Variants in LYPLAL1 observed in about 807,000 individuals in gnomAD.
The protein encoded by LYPLAL1 is lysophospholipase like 1.
LYPLAL1 carries 23 observed loss-of-function variants against 19.7 expected under a neutral mutation model. That is an observed-to-expected ratio of 1.17 (90% CI 0.84 to 1.65). LYPLAL1 has a LOEUF of 1.65. Ranked by LOEUF, LYPLAL1 falls within the 40% of genes most tolerant of loss-of-function variation. The pLI, the probability that LYPLAL1 is intolerant of heterozygous loss-of-function variation, is 0.00. For missense variants in LYPLAL1, 355 were observed against 279.4 expected (o/e 1.27, Z -1.93); for synonymous variants, 119 against 96.3 (o/e 1.24, Z -1.38).
At chr1:219,197,542 C>A (rs569494093) in intron 3 of LYPLAL1, among the ~76,000 whole-genome samples, 2 of 152,250 alleles carry the variant, frequency 1.3e-5, no homozygotes, top group South Asian at 2.1e-4. Flanking sequence ...TAAATCTAGG[C>A]AATACCATTC....
In LYPLAL1 at chr1:219,212,824, G is replaced by A. The variant is rs1407035832; in HGVS notation, c.*1096G>A. On this transcript the variant is annotated 3_prime_UTR_variant, in exon 5 of 5. Coordinates refer to ENST00000366928, the MANE Select transcript of LYPLAL1 (RefSeq NM_138794.5). The stretch of plus-strand genomic sequence containing the variant: ...CTGATATATAAGTTGCTTCCAGTGT[G>A]AGGCTGTTTTAAATAAAGCTGCTAT... 2 of 152,058 alleles carry A rather than the reference G, an allele frequency of 1.3e-5. No individual in the cohort carries two copies. The highest frequency in any genetic ancestry group is 4.8e-5 in the African/African-American group (2 of 41,446). The allele number at this position is 152,058 out of a possible 1,614,324, so 9.4% of individuals were successfully genotyped here. A position where few individuals can be genotyped will look rare whatever the true frequency, so the allele number is the denominator to read the frequency against.
intron 1 of LYPLAL1, among the ~76,000 whole-genome samples, chr1:219,177,713 C>T (rs946593635): frequency 2.0e-5 from 3 of 152,200 alleles, no homozygotes; most frequent in Admixed American, 6.5e-5. Flanking sequence ...TCTACATCAT[C>T]GCTGTAGTCT....
intron 3 of LYPLAL1, among the ~76,000 whole-genome samples, chr1:219,205,887 T>C (rs1270528683): frequency 6.6e-6 from 1 of 152,218 alleles, no homozygotes; most frequent in Non-Finnish European, 1.5e-5. Flanking sequence ...TCTAACAGTT[T>C]TCCATAGAGG....
intron 2 of LYPLAL1, among the ~76,000 whole-genome samples, chr1:219,189,367 G>A (rs1656970037): frequency 6.6e-6 from 1 of 151,658 alleles, no homozygotes; most frequent in African/African-American, 2.4e-5. Flanking sequence ...ACTTCACTGT[G>A]ATTTTAGTGA....
At chr1:219,374,833 G>A in the LYPLAL1 span, among the ~76,000 whole-genome samples, 65,230 of 151,954 alleles carry the variant, frequency 0.43, 14,808 homozygotes, top group East Asian at 0.78. Context: ...TCATTTCCCC[G>A]TTCCATGACT....
intron 2 of LYPLAL1, 148 bp from the exon 3 acceptor site, chr1:219,192,934 A>T: frequency 1.4e-6 from 1 of 730,800 alleles, no homozygotes; most frequent in Non-Finnish European, 2.1e-6. Flanking sequence ...AATATACATG[A>T]GAGTAGTTTT....
the LYPLAL1 span, among the ~76,000 whole-genome samples, chr1:219,330,547 T>C: frequency 6.6e-6 from 1 of 152,186 alleles, no homozygotes; most frequent in Non-Finnish European, 1.5e-5. Flanking sequence ...TTGTCTTCCA[T>C]GTAGATAGCA....
chr1:219,221,347 TG>T, the LYPLAL1 span, among the ~76,000 whole-genome samples: 1 of 152,122 alleles, frequency 6.6e-6, no homozygotes, highest in African/African-American at 2.4e-5. Context: ...CTATAGGTGG[TG>T]GAGAAGAAAA....
At chr1:219,331,829 T>C in the LYPLAL1 span, among the ~76,000 whole-genome samples, 1 of 152,126 alleles carries the variant, frequency 6.6e-6, no homozygotes, top group Non-Finnish European at 1.5e-5. Context: ...TTGTGGGTAA[T>C]GAAGAAGGCC....
At chr1:219,401,354 T>TTTTTTTTTTTTTTTGAGAC in the LYPLAL1 span, among the ~76,000 whole-genome samples, 10 of 149,742 alleles carry the variant, frequency 6.7e-5, no homozygotes, top group African/African-American at 1.9e-4. Flanking sequence ...TTTTTTTAAT[T>TTTTTTTTTTTTTTTGAGAC]GCCACTTAAC....
chr1:219,431,625 A>G, the LYPLAL1 span, among the ~76,000 whole-genome samples: 2 of 152,164 alleles, frequency 1.3e-5, no homozygotes, highest in Non-Finnish European at 2.9e-5. Flanking sequence ...CTTTATTGAC[A>G]ATTTCTTAGC....
At chr1:219,300,189 C>A in the LYPLAL1 span, among the ~76,000 whole-genome samples, 3 of 152,068 alleles carry the variant, frequency 2.0e-5, no homozygotes, top group Non-Finnish European at 4.4e-5. Flanking sequence ...TATCTATGTT[C>A]CCCAGGCTGG....
the LYPLAL1 span, among the ~76,000 whole-genome samples, chr1:219,232,574 A>G: frequency 6.6e-6 from 1 of 152,182 alleles, no homozygotes; most frequent in Non-Finnish European, 1.5e-5. Context: ...ATGTCAAAGG[A>G]TACTATCAAC....
the LYPLAL1 span, among the ~76,000 whole-genome samples, chr1:219,289,566 A>G: frequency 1.3e-5 from 2 of 152,142 alleles, no homozygotes; most frequent in Non-Finnish European, 2.9e-5. Context: ...ATACAAGCCA[A>G]TAGGCTGTAG....
the LYPLAL1 span, chr1:219,225,434 C>T: frequency 1.1e-4 from 17 of 152,246 alleles, no homozygotes; most frequent in African/African-American, 3.9e-4. Flanking sequence ...ATGACTTTTT[C>T]TCCATATAAT....
chr1:219,383,283 T>G, the LYPLAL1 span, among the ~76,000 whole-genome samples: 1 of 152,186 alleles, frequency 6.6e-6, no homozygotes, highest in African/African-American at 2.4e-5. Flanking sequence ...TCCTAAGATA[T>G]GAAAAGCACC....
At chr1:219,316,870 G>A in the LYPLAL1 span, among the ~76,000 whole-genome samples, 1 of 152,114 alleles carries the variant, frequency 6.6e-6, no homozygotes, top group Admixed American at 6.5e-5. Flanking sequence ...GGAAGTAAAT[G>A]GTGATCATTA....
At chr1:219,419,096 T>C in the LYPLAL1 span, among the ~76,000 whole-genome samples, 1 of 152,232 alleles carries the variant, frequency 6.6e-6, no homozygotes, top group Non-Finnish European at 1.5e-5. Flanking sequence ...GCAATTATAA[T>C]TGAAGCTGCT....
chr1:219,239,941 T>C, the LYPLAL1 span, among the ~76,000 whole-genome samples: 2 of 152,266 alleles, frequency 1.3e-5, no homozygotes, highest in Non-Finnish European at 2.9e-5. Context: ...GCAATGTTTT[T>C]ACCTAGGGTG....
Sources: allele counts gnomAD v4.1 joint callset (sites outside exome capture counted in the v4.1 genomes callset), GRCh38; gene constraint gnomAD v4.1.1; transcripts MANE v1.5; gene names NCBI Gene and HGNC (gene_info 2026-07-23, HGNC 2026-07-21).